STPG2: variants seen among roughly 807,000 people sequenced by gnomAD.
STPG2 encodes sperm tail PG-rich repeat containing 2.
A neutral mutation model predicts 54.2 loss-of-function variants in STPG2; 56 were observed. The observed-to-expected ratio is 1.03, with a 90% confidence interval of 0.83 to 1.29. STPG2 has a LOEUF of 1.29. STPG2 is among the 50% of genes most tolerant of loss of function. The probability of loss-of-function intolerance (pLI) is 0.00; values close to 1 mark genes in which losing one functional copy is unlikely to be tolerated. For synonymous variants in STPG2, 200 were observed against 181.8 expected, an observed-to-expected ratio of 1.10 and a Z score of -0.81; for missense variants, 596 against 544.9, an observed-to-expected ratio of 1.09 and a Z score of -0.93.
chr4:98,023,498 A>T (rs1170344197), intron 5 of STPG2, among the ~76,000 whole-genome samples: 7 of 152,142 alleles, frequency 4.6e-5, no homozygotes, highest in Non-Finnish European at 8.8e-5. Context: ...ACTTGAGGAG[A>T]CAGTCTGCCC....
intron 8 of STPG2, among the ~76,000 whole-genome samples, chr4:97,855,125 A>G (rs1159507677): frequency 6.6e-6 from 1 of 152,090 alleles, no homozygotes; most frequent in East Asian, 1.9e-4. Context: ...GTGTATATGT[A>G]CCACATTTTC....
intron 4 of STPG2, among the ~76,000 whole-genome samples, chr4:97,464,434 C>G (rs1365851812): frequency 6.6e-6 from 1 of 151,960 alleles, no homozygotes; most frequent in Non-Finnish European, 1.5e-5. Flanking sequence ...TCATCCTCAC[C>G]AGCAGTTCAC....
intron 9 of STPG2, among the ~76,000 whole-genome samples, chr4:97,810,100 T>C (rs959929948): frequency 2.0e-5 from 3 of 152,160 alleles, no homozygotes; most frequent in African/African-American, 7.2e-5. Flanking sequence ...TTAAATATCA[T>C]AGTTGGTGAA....
intron 4 of STPG2, among the ~76,000 whole-genome samples, chr4:97,538,246 G>A (rs150822430): frequency 0.018 from 2,775 of 152,234 alleles, 72 homozygotes; most frequent in African/African-American, 0.06. Context: ...AAACTTCTCC[G>A]AGCTAAAGGA....
chr4:98,109,699 A>T (rs1467699230), intron 3 of STPG2, among the ~76,000 whole-genome samples: 1 of 152,200 alleles, frequency 6.6e-6, no homozygotes, highest in East Asian at 1.9e-4. Flanking sequence ...TTAACTAAAC[A>T]GATTGAAAAA....
intron 8 of STPG2, among the ~76,000 whole-genome samples, chr4:97,860,476 T>C (rs1266317601): frequency 1.4e-5 from 1 of 71,638 alleles, no homozygotes; most frequent in Non-Finnish European, 2.4e-5. Flanking sequence ...AGTTTTATTT[T>C]ATTTTATTTT....
intron 8 of STPG2, among the ~76,000 whole-genome samples, chr4:97,909,714 AT>A (rs1450266685): frequency 6.6e-6 from 1 of 152,230 alleles, no homozygotes; most frequent in African/African-American, 2.4e-5. Flanking sequence ...AACCCAATAG[AT>A]TTGAAAAAAT....
chr4:97,850,507 T>G (rs1344076662), intron 8 of STPG2, among the ~76,000 whole-genome samples: 1 of 151,912 alleles, frequency 6.6e-6, no homozygotes, highest in Non-Finnish European at 1.5e-5. Context: ...GCTAAAATTA[T>G]CTATACTTTA....
intron 10 of STPG2, among the ~76,000 whole-genome samples, chr4:97,562,747 T>C (rs1013470039): frequency 1.4e-4 from 22 of 152,242 alleles, no homozygotes; most frequent in African/African-American, 3.9e-4. Context: ...ATTACATTTA[T>C]TGATTTGCGT....
At chr4:98,068,646 G>GAAGAAACTAT (rs1737905010) in intron 5 of STPG2, among the ~76,000 whole-genome samples, 3 of 152,190 alleles carry the variant, frequency 2.0e-5, no homozygotes, top group African/African-American at 7.2e-5. Context: ...TGTTCCAGAA[G>GAAGAAACTAT]TTGTGTGTAG....
chr4:97,640,762 T>C (rs1721741469), intron 10 of STPG2, among the ~76,000 whole-genome samples: 1 of 151,560 alleles, frequency 6.6e-6, no homozygotes, highest in Admixed American at 6.6e-5. Context: ...ACTTTCATAT[T>C]GAAAATTAAA....
chr4:97,838,231 T>C (rs1407524840), intron 9 of STPG2, among the ~76,000 whole-genome samples: 1 of 151,396 alleles, frequency 6.6e-6, no homozygotes, highest in Non-Finnish European at 1.5e-5. Flanking sequence ...AGAGAAATAA[T>C]AGGGTAAAGA....
At chr4:97,945,248 T>A (rs926409563) in intron 7 of STPG2, among the ~76,000 whole-genome samples, 1 of 152,018 alleles carries the variant, frequency 6.6e-6, no homozygotes, top group South Asian at 2.1e-4. Context: ...GTCCATTATA[T>A]CACTCTGTGT....
intron 8 of STPG2, among the ~76,000 whole-genome samples, chr4:97,895,367 T>C (rs558907857): frequency 1.0e-3 from 152 of 152,012 alleles, no homozygotes; most frequent in Middle Eastern, 3.4e-3. Context: ...TATAGTCTAA[T>C]TTATTGCAAA....
At chr4:97,643,315 C>T (rs1392799121) in intron 10 of STPG2, among the ~76,000 whole-genome samples, 1 of 151,592 alleles carries the variant, frequency 6.6e-6, no homozygotes, top group African/African-American at 2.4e-5. Context: ...TTTGGTGCTG[C>T]TCTCACATTC....
chr4:97,829,782 G>A (rs760817559), intron 9 of STPG2, among the ~76,000 whole-genome samples: 1 of 152,014 alleles, frequency 6.6e-6, no homozygotes, highest in Non-Finnish European at 1.5e-5. Context: ...ATCAGAGATT[G>A]AAGATCAACT....
chr4:97,877,601 T>C (rs1268753168), intron 8 of STPG2, among the ~76,000 whole-genome samples: 3 of 152,072 alleles, frequency 2.0e-5, no homozygotes, highest in Admixed American at 6.6e-5. Context: ...CTCAAGAGAC[T>C]TATTCACTAC....
intron 8 of STPG2, among the ~76,000 whole-genome samples, chr4:97,871,500 AG>A (rs1399961690): frequency 6.6e-6 from 1 of 151,124 alleles, no homozygotes; most frequent in Non-Finnish European, 1.5e-5. Context: ...AAATGAAAAA[AG>A]TCATACTAGT....
At position 97,964,642 on chromosome 4, in the gene STPG2, T is replaced by A. The variant is rs576410226; in HGVS notation, c.933+7638A>T. Among the ~76,000 whole-genome samples, 11 of 152,292 alleles carry A rather than the reference T, an allele frequency of 7.2e-5. No individual in the cohort carries two copies. The South Asian group carries it at 1.9e-3, about 26-fold the overall frequency. On this transcript the variant is annotated intron_variant, in intron 7 of 10. Transcript: ENST00000295268. ...TAAATAACAATTCATGTATCAGCAA[T>A]TAAGGGCAACAGATTTCAAAGTAGT...
Sources: gnomAD v4.1 joint callset for allele counts (sites outside exome capture counted in the v4.1 genomes callset) on GRCh38, gnomAD v4.1.1 for gene constraint, MANE v1.5 for transcripts, NCBI Gene and HGNC (gene_info 2026-07-23, HGNC 2026-07-21) for gene names.